Variants in NAV3 observed in about 807,000 individuals in gnomAD.
NAV3 encodes neuron navigator 3, also known as pore membrane and/or filament interacting like protein 1.
A neutral mutation model predicts 244.7 loss-of-function variants in NAV3; 87 were observed. That is an observed-to-expected ratio of 0.36 (90% CI 0.30 to 0.42). The LOEUF (loss-of-function observed/expected upper bound fraction) is 0.42, where lower values mean the gene tolerates loss of function less well. Among genes scored for constraint, NAV3 ranks in the 20% least tolerant of loss-of-function variants. The pLI, the probability that NAV3 is intolerant of heterozygous loss-of-function variation, is 1.00. For synonymous variants in NAV3, 1,126 were observed against 1,042.2 expected (o/e 1.08, Z -1.55); for missense variants, 2,663 against 2,893.3 (o/e 0.92, Z 1.83).
chr12:78,052,086 T>C (rs1056402981), intron 11 of NAV3: 1 of 152,178 alleles, frequency 6.6e-6, no homozygotes, highest in East Asian at 1.9e-4. Context: ...TCTATAAACT[T>C]TGTGTGAGTC....
chr12:78,033,773 C>G (rs2136987655), intron 9 of NAV3, among the ~76,000 whole-genome samples: 1 of 152,280 alleles, frequency 6.6e-6, no homozygotes, highest in East Asian at 1.9e-4. Flanking sequence ...AGGGTTCACC[C>G]CTCCAGAAGG....
At chr12:78,183,835 C>A (rs1288448110) in intron 30 of NAV3, among the ~76,000 whole-genome samples, 1 of 151,868 alleles carries the variant, frequency 6.6e-6, no homozygotes, top group Non-Finnish European at 1.5e-5. Flanking sequence ...TTATTTCCAT[C>A]CACATCATTT....
intron 2 of NAV3, among the ~76,000 whole-genome samples, chr12:77,735,180 G>A (rs1363070578): frequency 1.3e-5 from 2 of 152,024 alleles, no homozygotes; most frequent in Non-Finnish European, 2.9e-5. Context: ...CTATAGGAAA[G>A]CATGAAAATC....
intron 28 of NAV3, 131 bp from the exon 29 acceptor site, chr12:78,179,398 T>C (rs903435863): frequency 1.0e-6 from 1 of 988,802 alleles, no homozygotes; most frequent in Non-Finnish European, 1.5e-6. Context: ...TCCTTTTCTC[T>C]AGGTTTTGCC....
intron 1 of NAV3, among the ~76,000 whole-genome samples, chr12:77,859,401 A>G (rs1463532576): frequency 1.3e-5 from 2 of 151,988 alleles, no homozygotes; most frequent in Admixed American, 1.3e-4. Context: ...TAAGAGAAAT[A>G]TATAGTCCTT....
chr12:77,822,077 C>T (rs1300517246), intron 2 of NAV3, among the ~76,000 whole-genome samples: 3 of 152,100 alleles, frequency 2.0e-5, no homozygotes, highest in South Asian at 4.1e-4. Flanking sequence ...CATGCAATGC[C>T]ATTCCAAAGC....
chr12:78,140,028 T>C (rs1956538832), intron 19 of NAV3, among the ~76,000 whole-genome samples: 1 of 152,162 alleles, frequency 6.6e-6, no homozygotes, highest in African/African-American at 2.4e-5. Flanking sequence ...CGAAACAGGC[T>C]GGTAGGGCTC....
rs763677314 is a variant in NAV3, at chr12:78,137,298, C to T, written c.4563C>T (p.Ala1521=). The T allele has an allele frequency of 6.2e-7, 1 of 1,613,560 alleles. No individual in the cohort carries two copies. Residue 1521 remains alanine (A), a synonymous_variant, in exon 19 of 40, where the codon GCC becomes GCT. Coordinates refer to ENST00000397909, the MANE Select transcript of NAV3 (RefSeq NM_001024383.2). ...LYDDSQLCGS[A]TSLEERPRAI... ...ATGACTCCCAGCTTTGTGGGAGTGC[C>T]ACTTCTCTGGAGGAAAGACCTCGTG...
At chr12:77,613,101 T>C (rs1870991456) in intron 2 of NAV3, among the ~76,000 whole-genome samples, 1 of 152,170 alleles carries the variant, frequency 6.6e-6, no homozygotes, top group Admixed American at 6.5e-5. Flanking sequence ...GGTTTGTCTT[T>C]ATTAGCAGCA....
At chr12:77,584,479 T>C (rs745622181) in intron 2 of NAV3, among the ~76,000 whole-genome samples, 11 of 152,174 alleles carry the variant, frequency 7.2e-5, no homozygotes, top group Non-Finnish European at 1.3e-4. Context: ...TTGGTTAGAT[T>C]AAATGCTTAT....
chr12:78,099,720 T>C (rs1954444778), intron 12 of NAV3, among the ~76,000 whole-genome samples: 1 of 151,930 alleles, frequency 6.6e-6, no homozygotes, highest in African/African-American at 2.4e-5. Context: ...CCAACCATCA[T>C]GAGGATTATT....
intron 1 of NAV3, among the ~76,000 whole-genome samples, chr12:77,898,584 G>A (rs750763621): frequency 1.2e-4 from 19 of 152,196 alleles, no homozygotes; most frequent in Non-Finnish European, 2.6e-4. Context: ...TATGTGATCA[G>A]TGGAAGATGA....
intron 2 of NAV3, among the ~76,000 whole-genome samples, chr12:77,770,157 C>G (rs1870003495): frequency 6.6e-6 from 1 of 151,698 alleles, no homozygotes; most frequent in South Asian, 2.1e-4. Context: ...TTTTTTTTCC[C>G]CCAGTGCTGT....
intron 19 of NAV3, among the ~76,000 whole-genome samples, chr12:78,138,551 G>A (rs1252447172): frequency 6.6e-6 from 1 of 152,142 alleles, no homozygotes; most frequent in African/African-American, 2.4e-5. Context: ...GTGACAGACA[G>A]TGAATTATAT....
chr12:78,009,813 A>G (rs1164191429), intron 8 of NAV3, among the ~76,000 whole-genome samples: 1 of 152,228 alleles, frequency 6.6e-6, no homozygotes, highest in Non-Finnish European at 1.5e-5. Flanking sequence ...GAAAGATTAA[A>G]GAAAATAATC....
intron 2 of NAV3, among the ~76,000 whole-genome samples, chr12:77,731,458 C>G (rs1877123929): frequency 6.6e-6 from 1 of 151,908 alleles, no homozygotes; most frequent in Non-Finnish European, 1.5e-5. Flanking sequence ...TATAACCCAG[C>G]AGGAAACATA....
intron 2 of NAV3, among the ~76,000 whole-genome samples, chr12:77,653,254 C>T (rs1872912545): frequency 1.3e-5 from 2 of 152,110 alleles, no homozygotes; most frequent in African/African-American, 4.8e-5. Context: ...TCCCTGTTCC[C>T]CTTTCTATCA....
intron 2 of NAV3, among the ~76,000 whole-genome samples, chr12:77,581,359 A>T (rs564230857): frequency 6.6e-4 from 100 of 152,340 alleles, no homozygotes; most frequent in Non-Finnish European, 1.3e-3. Flanking sequence ...TTTTATAGTT[A>T]GTAATTCTTC....
At chr12:78,173,768 T>C in intron 24 of NAV3, among the ~76,000 whole-genome samples, 1 of 151,500 alleles carries the variant, frequency 6.6e-6, no homozygotes, top group African/African-American at 2.4e-5. Context: ...TGTATGTGTT[T>C]CTTCCTATAA....
Sources: gnomAD v4.1 joint callset for allele counts (sites outside exome capture counted in the v4.1 genomes callset) on GRCh38, gnomAD v4.1.1 for gene constraint, MANE v1.5 for transcripts, NCBI Gene and HGNC (gene_info 2026-07-23, HGNC 2026-07-21) for gene names.